Variants in MDFIC observed in about 807,000 individuals in gnomAD.
MDFIC encodes MyoD family inhibitor domain containing.
MDFIC carries 17 observed loss-of-function variants against 23.2 expected under a neutral mutation model. That is an observed-to-expected ratio of 0.73 (90% CI 0.50 to 1.10). The LOEUF (loss-of-function observed/expected upper bound fraction) is 1.10. Ranked by LOEUF, MDFIC falls within the 50% of genes least tolerant of loss-of-function variation. The pLI is 0.00. For synonymous variants in MDFIC, 120 were observed against 115.2 expected (o/e 1.04, Z -0.27); for missense variants, 356 against 316.6 (o/e 1.12, Z -0.95).
At position 115,016,051 on chromosome 7, in the gene MDFIC, C is replaced by G. The variant is rs1791788830; in HGVS notation, c.*116C>G. On this transcript the variant is annotated 3_prime_UTR_variant, in exon 5 of 5. Coordinates refer to ENST00000393486, the MANE Select transcript of MDFIC (RefSeq NM_001166345.3). ...CAACATGGAATTTGCACTGTTAACT[C>G]ATTATTGTAAGTAATCTCTGAAAGC... 9.4e-7 allele frequency: 1 copy of G among 1,065,004 alleles called. No homozygotes were observed. Among genetic ancestry groups the G allele is most frequent in the South Asian group, 1.6e-5 (1 of 63,686 alleles). 66.0% of individuals were successfully genotyped at this position (1,065,004 alleles called of 1,614,324 possible).
At chr7:114,986,053 T>C (rs1793507951) in intron 4 of MDFIC, among the ~76,000 whole-genome samples, 1 of 149,538 alleles carries the variant, frequency 6.7e-6, no homozygotes, top group Admixed American at 6.8e-5. Context: ...TTTTTGTACA[T>C]TAATAATGAA....
chr7:114,933,777 A>C (rs528872235), intron 2 of MDFIC: 6 of 152,366 alleles, frequency 3.9e-5, no homozygotes, highest in African/African-American at 1.4e-4. Flanking sequence ...GAAGAACATG[A>C]GATACTTTCT....
chr7:115,016,208 C>A lies in MDFIC; in HGVS notation c.*273C>A. The A allele has an allele frequency of 2.7e-6, 1 of 366,896 alleles. No individual in the cohort carries two copies. The highest frequency in any genetic ancestry group is 5.0e-6 in the Non-Finnish European group (1 of 201,816). 22.7% of individuals were successfully genotyped at this position (366,896 alleles called of 1,614,324 possible). A position where few individuals can be genotyped will look rare whatever the true frequency, so the allele number is the denominator to read the frequency against. ...CACCCCCCTTCCCAAATGTTAAATGCCTTCTCCTTTTTACCGATATTTCTG... is the reference window on the plus strand; with the variant it reads ...CACCCCCCTTCCCAAATGTTAAATGACTTCTCCTTTTTACCGATATTTCTG... On this transcript the variant is annotated 3_prime_UTR_variant, in exon 5 of 5. Transcript: ENST00000393486.
At chr7:114,986,675 G>A (rs1563149902) in intron 4 of MDFIC, among the ~76,000 whole-genome samples, 1 of 152,158 alleles carries the variant, frequency 6.6e-6, no homozygotes, top group Non-Finnish European at 1.5e-5. Flanking sequence ...AGCCTGGTAT[G>A]TTCTCATAAC....
intron 3 of MDFIC, among the ~76,000 whole-genome samples, chr7:114,964,972 G>A (rs1433383443): frequency 6.6e-6 from 1 of 152,182 alleles, no homozygotes; most frequent in African/African-American, 2.4e-5. Flanking sequence ...ATGAAGGAGT[G>A]GAATGTTTCT....
chr7:115,003,592 A>G (rs959513788), intron 4 of MDFIC, among the ~76,000 whole-genome samples: 1 of 152,090 alleles, frequency 6.6e-6, no homozygotes, highest in African/African-American at 2.4e-5. Flanking sequence ...TTATCACTGC[A>G]TGTCGTTCCT....
intron 4 of MDFIC, chr7:115,014,531 A>G (rs1453326105): frequency 1.7e-5 from 22 of 1,288,492 alleles, no homozygotes; most frequent in Non-Finnish European, 2.2e-5. Flanking sequence ...ACATGTGACA[A>G]TGGTAAGAGG....
At chr7:114,936,284 T>G (rs1235034124) in intron 2 of MDFIC, among the ~76,000 whole-genome samples, 1 of 152,196 alleles carries the variant, frequency 6.6e-6, no homozygotes, top group African/African-American at 2.4e-5. Flanking sequence ...ATTTGGACTT[T>G]TAAGTGGCAA....
In MDFIC at chr7:115,017,993, G is replaced by GA. The variant is rs774955407; in HGVS notation, c.*2064dup. The GA allele has an allele frequency of 5.9e-5, 9 of 151,798 alleles. No homozygotes were observed. The highest frequency in any genetic ancestry group is 1.2e-4 in the Non-Finnish European group (8 of 67,802). The allele number at this position is 151,798 out of a possible 1,614,324, so 9.4% of individuals were successfully genotyped here. ...TATCATTACTTAAAGGGCTTAAAAAGAAAAAACTTAGCAAACTTTTGAATC... is the reference window on the plus strand; with the variant it reads ...TATCATTACTTAAAGGGCTTAAAAAGAAAAAAACTTAGCAAACTTTTGAATC... On this transcript the variant is annotated 3_prime_UTR_variant, in exon 5 of 5. Transcript: ENST00000393486.
chr7:114,966,646 A>G (rs1793102946), intron 3 of MDFIC, among the ~76,000 whole-genome samples: 1 of 152,214 alleles, frequency 6.6e-6, no homozygotes, highest in African/African-American at 2.4e-5. Context: ...ACTAAACACT[A>G]TAATAAAAGA....
chr7:114,953,930 CT>C (rs1300780980), intron 3 of MDFIC, among the ~76,000 whole-genome samples: 1 of 152,158 alleles, frequency 6.6e-6, no homozygotes, highest in Non-Finnish European at 1.5e-5. Context: ...AACCACCTTT[CT>C]CCCCCTGCTG....
rs918454434 is a variant in MDFIC, at chr7:114,922,455, C to A, written c.-289C>A. On this transcript the variant is annotated 5_prime_UTR_variant, in exon 1 of 5. Coordinates refer to ENST00000393486, the MANE Select transcript of MDFIC (RefSeq NM_001166345.3). Reference sequence around the variant, plus strand: ...GAGCCGCCACCGCTGCCGCAGTTGCCGCCACTGCGGCGTCTGGGCTGAGCC... The same window carrying A: ...GAGCCGCCACCGCTGCCGCAGTTGCAGCCACTGCGGCGTCTGGGCTGAGCC... 8.8e-6 allele frequency: 11 copies of A among 1,245,078 alleles called. No homozygotes were observed. The highest frequency in any genetic ancestry group is 3.1e-4 in the Middle Eastern group (1 of 3,226). The allele number at this position is 1,245,078 out of a possible 1,614,324, so 77.1% of individuals were successfully genotyped here.
intron 2 of MDFIC, among the ~76,000 whole-genome samples, chr7:114,937,471 C>A (rs1311896386): frequency 6.6e-6 from 1 of 152,190 alleles, no homozygotes; most frequent in Non-Finnish European, 1.5e-5. Context: ...GAGAGTTTGG[C>A]TCTATTGTTT....
chr7:114,986,036 T>TC (rs1195492087), intron 4 of MDFIC, among the ~76,000 whole-genome samples: 1 of 148,404 alleles, frequency 6.7e-6, no homozygotes, highest in Non-Finnish European at 1.5e-5. Flanking sequence ...TTTGCAGTTT[T>TC]TTTTTTTTTT....
At chr7:114,979,835 C>A in intron 4 of MDFIC, 54 bp downstream of exon 4, 10 of 1,558,052 alleles carry the variant, frequency 6.4e-6, no homozygotes, top group Non-Finnish European at 8.8e-6. Context: ...ATAATATTTC[C>A]TGGTAATTAT....
intron 3 of MDFIC, among the ~76,000 whole-genome samples, chr7:114,958,756 AAAC>A (rs949602422): frequency 1.5e-4 from 23 of 152,304 alleles, no homozygotes; most frequent in Admixed American, 3.9e-4. Flanking sequence ...CATCTCAAGA[AAAC>A]AACAACAACA....
intron 3 of MDFIC, among the ~76,000 whole-genome samples, chr7:114,971,712 A>G (rs147991069): frequency 3.9e-5 from 6 of 152,238 alleles, no homozygotes; most frequent in Non-Finnish European, 7.4e-5. Context: ...GAAAAGCTAT[A>G]CTTGGATAAA....
At chr7:114,927,328 T>TC (rs1284095942) in intron 2 of MDFIC, among the ~76,000 whole-genome samples, 1 of 151,188 alleles carries the variant, frequency 6.6e-6, no homozygotes, top group Non-Finnish European at 1.5e-5. Context: ...AACAGTCCTT[T>TC]TTTTTTTTTT....
At chr7:114,967,822 TTTC>T (rs1219539363) in intron 3 of MDFIC, among the ~76,000 whole-genome samples, 2 of 117,382 alleles carry the variant, frequency 1.7e-5, no homozygotes, top group Non-Finnish European at 3.3e-5. Flanking sequence ...TCTTTTTTTC[TTTC>T]TTTTCTTTTT....
Sources: allele counts gnomAD v4.1 joint callset (sites outside exome capture counted in the v4.1 genomes callset), GRCh38; gene constraint gnomAD v4.1.1; transcripts MANE v1.5; gene names NCBI Gene and HGNC (gene_info 2026-07-23, HGNC 2026-07-21).